The following KPNA4 variants were observed in gnomAD, a reference collection of about 807,000 sequenced individuals.
KPNA4 encodes the protein karyopherin subunit alpha 4, also known as importin subunit alpha-3.
A neutral mutation model predicts 71.3 loss-of-function variants in KPNA4; 13 were observed. The ratio of observed to expected loss-of-function variants is 0.18; its 90% CI spans 0.12 to 0.29. The LOEUF (loss-of-function observed/expected upper bound fraction) is 0.29. Ranked by LOEUF, KPNA4 falls within the 10% of genes least tolerant of loss-of-function variation. The probability of loss-of-function intolerance (pLI) is 1.00; values close to 1 mark genes in which losing one functional copy is unlikely to be tolerated. For missense variants in KPNA4, 334 were observed against 603.2 expected (o/e 0.55, Z 4.67); for synonymous variants, 189 against 195.2 (o/e 0.97, Z 0.26).
rs1720888072 is a variant in KPNA4, at chr3:160,501,804, A to T, written c.*300T>A. ...CTTTCTCAGGCACTGACGATCTGTG[A>T]CCTGTAGCCCTTTTTACTTTGAACA... On this transcript the variant is annotated 3_prime_UTR_variant, in exon 17 of 17. Transcript: ENST00000334256. 1 of 156,698 alleles carries T rather than the reference A, an allele frequency of 6.4e-6. No individual in the cohort carries two copies. The highest frequency in any genetic ancestry group is 2.4e-5 in the African/African-American group (1 of 41,556). 9.7% of individuals were successfully genotyped at this position (156,698 alleles called of 1,614,324 possible).
At chr3:160,527,878 G>T in intron 8 of KPNA4, 75 bp downstream of exon 8, 5 of 1,098,330 alleles carry the variant, frequency 4.6e-6, no homozygotes, top group South Asian at 1.5e-5. Flanking sequence ...TTCTCTTTTG[G>T]ATTACTAGTA....
At chr3:160,521,720 CCATGCTTAAAGCAA>C in intron 11 of KPNA4, 45 bp downstream of exon 11, 1 of 1,480,634 alleles carries the variant, frequency 6.8e-7, no homozygotes, top group South Asian at 1.2e-5. Flanking sequence ...TCTTTGAATG[CCATGCTTAAAGCAA>C]TTAGTGGTAA....
At position 160,521,765 on chromosome 3, in the gene KPNA4, A is replaced by G; in HGVS notation, c.903+14T>C. On this transcript the variant is annotated intron_variant, in intron 11 of 16. Transcript: ENST00000334256. ...GGTAAGAAATACTTATAATTTAACT[A>G]AGAACAAACTTACCTGAACTTTAAC... 1 of 1,607,306 alleles carries G rather than the reference A, an allele frequency of 6.2e-7. No individual in the cohort carries two copies. The highest frequency in any genetic ancestry group is 8.5e-7 in the Non-Finnish European group (1 of 1,178,208).
At chr3:160,515,325 C>T in intron 12 of KPNA4, 127 bp downstream of exon 12, 1 of 938,028 alleles carries the variant, frequency 1.1e-6, no homozygotes, top group Non-Finnish European at 1.6e-6. Flanking sequence ...TTTATTTTCT[C>T]TTGATGTCTA....
At chr3:160,534,642 G>A (rs981188833) in intron 5 of KPNA4, among the ~76,000 whole-genome samples, 2 of 148,370 alleles carry the variant, frequency 1.3e-5, no homozygotes, top group African/African-American at 2.5e-5. Context: ...GCTTGAACCC[G>A]GGAGGCAGAG....
Position 160,497,039 on chromosome 3 carries a change from T to C in KPNA4, c.*5065A>G, listed in dbSNP as rs1330287780. 1 of 152,242 alleles carries C rather than the reference T, an allele frequency of 6.6e-6. No homozygotes were observed. Among genetic ancestry groups the C allele is most frequent in the Non-Finnish European group, 1.5e-5 (1 of 68,038 alleles). 9.4% of individuals were successfully genotyped at this position (152,242 alleles called of 1,614,324 possible). ...ATTGGTGTGCTTAGTTTTTTATCAA[T>C]TTGACACTACAGTCCAAATTTGCTT... is the stretch of plus-strand genomic sequence containing the variant. On this transcript the variant is annotated 3_prime_UTR_variant, in exon 17 of 17. Transcript: ENST00000334256.
chr3:160,505,123 G>C, intron 15 of KPNA4, 71 bp from the exon 16 acceptor site: 2 of 756,512 alleles, frequency 2.6e-6, no homozygotes, highest in Non-Finnish European at 3.9e-6. Flanking sequence ...ATAATCTTTG[G>C]AACACATAAT....
chr3:160,518,564 T>C (rs559543132), intron 11 of KPNA4, among the ~76,000 whole-genome samples: 42 of 151,388 alleles, frequency 2.8e-4, no homozygotes, highest in African/African-American at 9.7e-4. Context: ...GGCTTCCTTA[T>C]TGAAAATCAA....
At chr3:160,513,420 T>C (rs953386841) in intron 13 of KPNA4, among the ~76,000 whole-genome samples, 1 of 151,806 alleles carries the variant, frequency 6.6e-6, no homozygotes, top group African/African-American at 2.4e-5. Flanking sequence ...CACACCAAAC[T>C]AATTTCTTTT....
intron 11 of KPNA4, among the ~76,000 whole-genome samples, chr3:160,518,170 C>G (rs1026423546): frequency 6.6e-6 from 1 of 151,362 alleles, no homozygotes; most frequent in African/African-American, 2.4e-5. Context: ...CTCTGTCACC[C>G]AGGCTGGAGT....
chr3:160,527,426 T>C (rs1279044963), intron 8 of KPNA4, among the ~76,000 whole-genome samples: 1 of 152,224 alleles, frequency 6.6e-6, no homozygotes, highest in African/African-American at 2.4e-5. Context: ...GCTATGGTTA[T>C]GTCTTGTTGA....
chr3:160,552,616 G>T lies in KPNA4; in HGVS notation c.69+12598C>A, dbSNP rs369275929. Among the ~76,000 whole-genome samples the T allele has an allele frequency of 6.6e-5, 10 of 152,246 alleles. No individual in the cohort carries two copies. The East Asian group carries it at 1.9e-3, about 29-fold the overall frequency. On this transcript the variant is annotated intron_variant, in intron 1 of 16. Transcript: ENST00000334256. ...ATCAGTGCTCTTAAGGAAAACAGGG[G>T]GGTTTAACTTGCAATTAACTTTTTC...
intron 10 of KPNA4, among the ~76,000 whole-genome samples, chr3:160,524,693 G>C (rs1043863841): frequency 3.3e-5 from 5 of 152,016 alleles, no homozygotes; most frequent in Admixed American, 2.6e-4. Flanking sequence ...TTTAATCAAA[G>C]AACTTGGCTA....
intron 15 of KPNA4, among the ~76,000 whole-genome samples, chr3:160,506,751 T>C (rs928338666): frequency 4.6e-5 from 7 of 152,250 alleles, no homozygotes; most frequent in African/African-American, 1.7e-4. Flanking sequence ...AGTATGCCTA[T>C]TGTTATTTTT....
rs1426847591 is a variant in KPNA4 at position 160,508,201 on chromosome 3, T to C, written c.1278A>G (p.Gln426=). 1.9e-6 allele frequency: 3 copies of C among 1,612,622 alleles called. No homozygotes were observed. Among genetic ancestry groups the C allele is most frequent in the South Asian group, 1.1e-5 (1 of 90,740 alleles). ...GTCCATCGAGTACTACTTGCACAAC[T>C]TGTGCATCTTTTACAGTCAGCAAGT... ...FCNLLTVKDA[Q]VVQVVLDGLS... is the part of the protein sequence containing the mutation. The change falls in exon 15 of 17, where the codon CAA becomes CAG. Residue 426 remains glutamine, a synonymous_variant. Transcript: ENST00000334256.
chr3:160,516,967 T>A (rs1721239928), intron 11 of KPNA4, among the ~76,000 whole-genome samples: 2 of 152,164 alleles, frequency 1.3e-5, no homozygotes, highest in South Asian at 2.1e-4. Context: ...TTTTAAAAAA[T>A]TGAAATAAAA....
chr3:160,560,702 G>A (rs1722226505), intron 1 of KPNA4, among the ~76,000 whole-genome samples: 1 of 151,890 alleles, frequency 6.6e-6, no homozygotes, highest in Non-Finnish European at 1.5e-5. Context: ...AAAAATAAGG[G>A]CATCTTGGTA....
chr3:160,511,729 T>TATATATAA (rs556651397), intron 13 of KPNA4, among the ~76,000 whole-genome samples: 14 of 149,664 alleles, frequency 9.4e-5, no homozygotes, highest in Non-Finnish European at 1.6e-4. Context: ...TATATATATA[T>TATATATAA]AAATATATTT....
intron 5 of KPNA4, among the ~76,000 whole-genome samples, chr3:160,533,240 G>A (rs1262266618): frequency 1.3e-5 from 2 of 152,036 alleles, no homozygotes; most frequent in African/African-American, 4.8e-5. Flanking sequence ...GGCCAGGCTG[G>A]TCTCAAACTC....
Sources: gnomAD v4.1 joint callset for allele counts (sites outside exome capture counted in the v4.1 genomes callset) on GRCh38, gnomAD v4.1.1 for gene constraint, MANE v1.5 for transcripts, NCBI Gene and HGNC (gene_info 2026-07-23, HGNC 2026-07-21) for gene names.